The following GRIP1 variants were observed in gnomAD, a reference collection of about 807,000 sequenced individuals.
The protein encoded by GRIP1 is glutamate receptor interacting protein 1.
In GRIP1, 45 loss-of-function variants were observed where a neutral mutation model predicts 129.9. That is an observed-to-expected ratio of 0.35 (90% confidence interval 0.27 to 0.44). The LOEUF (loss-of-function observed/expected upper bound fraction) is 0.44, where lower values mean the gene tolerates loss of function less well. Among genes scored for constraint, GRIP1 ranks in the 20% least tolerant of loss-of-function variants. GRIP1 has a pLI of 1.00. For missense variants in GRIP1, 1,196 were observed against 1,396.8 expected (o/e 0.86, Z 2.29); for synonymous variants, 530 against 520.8 (o/e 1.02, Z -0.24).
chr12:66,615,096 C>T (rs963403276), intron 1 of GRIP1, among the ~76,000 whole-genome samples: 2 of 152,024 alleles, frequency 1.3e-5, no homozygotes, highest in East Asian at 1.9e-4. Flanking sequence ...GTATAAACTC[C>T]ATAAGAGCAG....
intron 1 of GRIP1, among the ~76,000 whole-genome samples, chr12:66,636,380 C>T (rs767072225): frequency 1.1e-4 from 17 of 152,128 alleles, no homozygotes; most frequent in Non-Finnish European, 2.5e-4. Context: ...CTCTGAACTA[C>T]GCACTTAAAT....
chr12:66,822,163 T>C (rs1175332477), intron 1 of GRIP1, among the ~76,000 whole-genome samples: 2 of 152,214 alleles, frequency 1.3e-5, no homozygotes, highest in South Asian at 2.1e-4. Flanking sequence ...AGAAGCCATA[T>C]TGCAACACAC....
chr12:66,927,798 C>T (rs2041320099), intron 1 of GRIP1, among the ~76,000 whole-genome samples: 1 of 152,164 alleles, frequency 6.6e-6, no homozygotes, highest in South Asian at 2.1e-4. Flanking sequence ...AATCCTATTC[C>T]CAAACCCAAT....
intron 11 of GRIP1, among the ~76,000 whole-genome samples, chr12:66,450,459 T>C (rs2058760467): frequency 6.6e-6 from 1 of 151,652 alleles, no homozygotes; most frequent in Admixed American, 6.6e-5. Flanking sequence ...TGAATAATTT[T>C]ATTCTCTAGA....
chr12:66,525,760 G>A (rs2061210417), intron 5 of GRIP1, among the ~76,000 whole-genome samples: 2 of 152,038 alleles, frequency 1.3e-5, no homozygotes, highest in Admixed American at 6.6e-5. Flanking sequence ...TGCAGATGAT[G>A]TGATTGTATA....
At chr12:66,557,966 A>C (rs2062391824) in intron 2 of GRIP1, among the ~76,000 whole-genome samples, 1 of 152,214 alleles carries the variant, frequency 6.6e-6, no homozygotes. Context: ...GAGCAGAAAT[A>C]AATGAAACTG....
At chr12:66,855,554 A>C (rs552468495) in intron 1 of GRIP1, among the ~76,000 whole-genome samples, 1 of 152,196 alleles carries the variant, frequency 6.6e-6, no homozygotes, top group Non-Finnish European at 1.5e-5. Flanking sequence ...ACAATAATTT[A>C]GAGTGTATTT....
chr12:66,611,996 T>C (rs2064818174), intron 1 of GRIP1, among the ~76,000 whole-genome samples: 2 of 152,210 alleles, frequency 1.3e-5, no homozygotes, highest in African/African-American at 2.4e-5. Flanking sequence ...GGTTCCTCCA[T>C]TTATTTTGGT....
At chr12:66,430,711 A>G (rs964654844) in intron 14 of GRIP1, among the ~76,000 whole-genome samples, 1 of 152,218 alleles carries the variant, frequency 6.6e-6, no homozygotes, top group African/African-American at 2.4e-5. Context: ...ATTTATATCA[A>G]TCTGTAACTA....
chr12:66,830,806 T>C (rs2039502750), intron 1 of GRIP1, among the ~76,000 whole-genome samples: 1 of 150,912 alleles, frequency 6.6e-6, no homozygotes, highest in Non-Finnish European at 1.5e-5. Context: ...GGTAACCAAC[T>C]CCAGACCCTG....
intron 1 of GRIP1, among the ~76,000 whole-genome samples, chr12:66,660,784 T>C (rs901544542): frequency 2.0e-5 from 3 of 152,142 alleles, no homozygotes; most frequent in African/African-American, 4.8e-5. Flanking sequence ...TGCTAGGTGC[T>C]AGGTATTAAG....
At chr12:66,823,080 C>A (rs1318156293) in intron 1 of GRIP1, among the ~76,000 whole-genome samples, 1 of 152,162 alleles carries the variant, frequency 6.6e-6, no homozygotes, top group African/African-American at 2.4e-5. Context: ...TTAGTTCCAG[C>A]AAACCCTACT....
intron 1 of GRIP1, among the ~76,000 whole-genome samples, chr12:66,954,428 T>C (rs1396519740): frequency 6.6e-6 from 1 of 152,180 alleles, no homozygotes. Context: ...ACTAGATCCC[T>C]AGGAGAAAGA....
chr12:66,598,096 T>C lies in GRIP1; in HGVS notation c.56-1169A>G, dbSNP rs2064126788. ...GAATTTAAAGAAACCATACTGTGCATGACAAACTATTACATATAACAAGGA... is the reference window on the plus strand; with the variant it reads ...GAATTTAAAGAAACCATACTGTGCACGACAAACTATTACATATAACAAGGA... On this transcript the variant is annotated intron_variant, in intron 1 of 24. Transcript: ENST00000359742. 2.6e-5 allele frequency among the ~76,000 whole-genome samples: 4 copies of C among 152,306 alleles called. No individual in the cohort carries two copies. The South Asian group carries it at 8.3e-4, about 32-fold the overall frequency.
At chr12:66,787,909 C>T (rs945148775) in intron 1 of GRIP1, among the ~76,000 whole-genome samples, 1 of 152,078 alleles carries the variant, frequency 6.6e-6, no homozygotes, top group African/African-American at 2.4e-5. Context: ...ATCTGCCTAC[C>T]ATCAGCCAAG....
intron 1 of GRIP1, chr12:66,630,168 T>C (rs1201910530): frequency 6.6e-6 from 1 of 152,090 alleles, no homozygotes; most frequent in Non-Finnish European, 1.5e-5. Context: ...CTGGGCAACA[T>C]GGTGAAACCC....
chr12:66,353,282 C>T (rs944283615), intron 24 of GRIP1, 135 bp downstream of exon 24: 1 of 757,176 alleles, frequency 1.3e-6, no homozygotes, highest in Non-Finnish European at 2.4e-6. Context: ...CTGTTTGCTT[C>T]TACTGATTCC....
At chr12:67,001,063 C>T (rs1168638801) in intron 1 of GRIP1, among the ~76,000 whole-genome samples, 1 of 152,170 alleles carries the variant, frequency 6.6e-6, no homozygotes. Flanking sequence ...AAACCATCTT[C>T]ACTTAGCAAT....
chr12:66,836,369 C>A (rs1053059596), intron 1 of GRIP1, among the ~76,000 whole-genome samples: 2 of 152,128 alleles, frequency 1.3e-5, no homozygotes, highest in Non-Finnish European at 2.9e-5. Flanking sequence ...TTATCCACAG[C>A]CCTTTTATAT....
Sources: allele counts gnomAD v4.1 joint callset (sites outside exome capture counted in the v4.1 genomes callset), GRCh38; gene constraint gnomAD v4.1.1; transcripts MANE v1.5; gene names NCBI Gene and HGNC (gene_info 2026-07-23, HGNC 2026-07-21).